Variants in ABCA13 observed in about 807,000 individuals in gnomAD.
The protein encoded by ABCA13 is ATP-binding cassette sub-family A member 13.
In ABCA13, 476 loss-of-function variants were observed where a neutral mutation model predicts 478.7. The observed-to-expected ratio is 0.99, with a 90% CI of 0.92 to 1.07. ABCA13 has a LOEUF of 1.07. Ranked by LOEUF, ABCA13 falls within the 50% of genes least tolerant of loss-of-function variation. The pLI is 0.00. For synonymous variants in ABCA13, 2,252 were observed against 2,158.9 expected (o/e 1.04, Z -1.20); for missense variants, 6,060 against 5,910.6 (o/e 1.03, Z -0.83).
In ABCA13 at chr7:48,372,394, C is replaced by A. The variant is rs370836671; in HGVS notation, c.11030C>A (p.Thr3677Lys). Reference protein sequence around the residue: ...LLSAFFSQANTAALCTSLVYM... With the variant: ...LLSAFFSQANKAALCTSLVYM... The stretch of plus-strand genomic sequence containing the variant: ...AGTGCATTTTTCAGCCAAGCTAATA[C>A]AGCGGCCCTTTGTACCAGCCTGGTG... The change falls in exon 33 of 62, where the codon ACA (threonine) becomes AAA (lysine). Residue 3677 changes from threonine to lysine, a missense_variant. By Grantham distance (78) the Thr-to-Lys change is moderately conservative (BLOSUM62 -1). This residue lies in a region of ABCA13 where 4,423 missense variants were observed against 4,309.1 expected (regional missense o/e 1.03). Coordinates refer to ENST00000435803, the MANE Select transcript of ABCA13 (RefSeq NM_152701.5). The A allele has an allele frequency of 1.2e-6, 2 of 1,613,894 alleles. No individual in the cohort carries two copies. Among genetic ancestry groups the A allele is most frequent in the African/African-American group, 2.7e-5 (2 of 74,978 alleles).
intron 15 of ABCA13, among the ~76,000 whole-genome samples, chr7:48,265,812 G>A (rs11977108): frequency 0.14 from 21,199 of 151,432 alleles, 1,540 homozygotes; most frequent in Middle Eastern, 0.19. Flanking sequence ...AGAAATGATG[G>A]AAGGTAACAT....
intron 55 of ABCA13, among the ~76,000 whole-genome samples, chr7:48,546,528 T>C (rs1239386746): frequency 6.6e-6 from 1 of 151,664 alleles, no homozygotes. Context: ...GTGTGTTAGA[T>C]TATCAGACAA....
At chr7:48,408,241 C>T (rs1439689576) in intron 39 of ABCA13, among the ~76,000 whole-genome samples, 2 of 152,232 alleles carry the variant, frequency 1.3e-5, no homozygotes, top group Non-Finnish European at 2.9e-5. Context: ...TCCTCCCTCC[C>T]TGCTCCCTGC....
chr7:48,564,959 A>C (rs1197650784), intron 55 of ABCA13, among the ~76,000 whole-genome samples: 1 of 152,116 alleles, frequency 6.6e-6, no homozygotes. Flanking sequence ...TTGGTAAAGG[A>C]GTTCTAAGAA....
chr7:48,389,347 A>G (rs1265105011), intron 37 of ABCA13, 127 bp downstream of exon 37: 1 of 1,097,942 alleles, frequency 9.1e-7, no homozygotes, highest in Non-Finnish European at 1.3e-6. Context: ...CAGAGTTTAG[A>G]GACACGGGTG....
chr7:48,475,157 G>A (rs1341308926), intron 45 of ABCA13, among the ~76,000 whole-genome samples: 1 of 152,172 alleles, frequency 6.6e-6, no homozygotes, highest in Non-Finnish European at 1.5e-5. Context: ...GTTTCGGGAT[G>A]CACTTTGAGA....
intron 1 of ABCA13, among the ~76,000 whole-genome samples, chr7:48,180,387 T>C (rs1389689508): frequency 1.3e-5 from 2 of 152,182 alleles, no homozygotes; most frequent in African/African-American, 4.8e-5. Context: ...CCTAACATAC[T>C]ACTCTTGATA....
In ABCA13 at chr7:48,276,296, T is replaced by C. The variant is rs749236873; in HGVS notation, c.6630T>C (p.Ile2210=). The C allele has an allele frequency of 6.4e-7, 1 of 1,559,164 alleles. No homozygotes were observed. The highest frequency in any genetic ancestry group is 8.7e-7 in the Non-Finnish European group (1 of 1,151,172). The change falls in exon 17 of 62, where the codon ATT becomes ATC. Residue 2210 remains isoleucine (I), a synonymous_variant. Coordinates refer to ENST00000435803, the MANE Select transcript of ABCA13 (RefSeq NM_152701.5). ...VVQLLFENIL[I]NLINNLAGNS... is the part of the protein sequence containing the mutation. The stretch of plus-strand genomic sequence containing the variant: ...AGCTGCTTTTTGAAAACATCCTAAT[T>C]AATTTGATCAATAACTTAGCTGGGA...
At chr7:48,515,082 C>A (rs148292878) in intron 51 of ABCA13, among the ~76,000 whole-genome samples, 1 of 152,190 alleles carries the variant, frequency 6.6e-6, no homozygotes, top group African/African-American at 2.4e-5. Flanking sequence ...ACTTGAGGGC[C>A]TGGCATCTCT....
At chr7:48,305,255 G>T (rs779598784) in intron 23 of ABCA13, among the ~76,000 whole-genome samples, 1 of 151,676 alleles carries the variant, frequency 6.6e-6, no homozygotes, top group Non-Finnish European at 1.5e-5. Flanking sequence ...GAAGTCAGAC[G>T]GTAAGAGCTG....
At chr7:48,464,164 T>C (rs554951592) in intron 43 of ABCA13, among the ~76,000 whole-genome samples, 1 of 152,208 alleles carries the variant, frequency 6.6e-6, no homozygotes, top group Non-Finnish European at 1.5e-5. Flanking sequence ...GTTTCTAACA[T>C]AGAGATTTAC....
At chr7:48,604,965 C>T (rs1051003613) in intron 58 of ABCA13, among the ~76,000 whole-genome samples, 1 of 152,126 alleles carries the variant, frequency 6.6e-6, no homozygotes, top group Admixed American at 6.6e-5. Context: ...TGCATTGATC[C>T]CTTTACCATT....
At chr7:48,624,509 A>T (rs1793474586) in intron 59 of ABCA13, among the ~76,000 whole-genome samples, 1 of 147,286 alleles carries the variant, frequency 6.8e-6, no homozygotes, top group Admixed American at 6.8e-5. Flanking sequence ...GTGAGGGAGG[A>T]TAAAGGCTGT....
In ABCA13 at chr7:48,338,413, C is replaced by G; in HGVS notation, c.10162C>G (p.His3388Asp). Residue 3388 changes from histidine to aspartate, a missense_variant, in exon 29 of 62, where the codon CAC (histidine) becomes GAC (aspartate). His to Asp is a moderately conservative substitution (Grantham distance 81). Around this residue, in one of 3 missense-constraint regions of ABCA13, gnomAD observed 4,423 missense variants for 4,309.1 expected, o/e 1.03. Transcript: ENST00000435803. ...FVRNFVENQLHIDVDKLTEKL... is the reference protein window; with the variant it reads ...FVRNFVENQLDIDVDKLTEKL... ...AAGAAACTTTGTAGAAAACCAGTTG[C>G]ACATTGATGTAGACAAACTTACTGA... 6.2e-7 allele frequency: 1 copy of G among 1,603,002 alleles called. No homozygotes were observed. The highest frequency in any genetic ancestry group is 8.5e-7 in the Non-Finnish European group (1 of 1,174,292).
At chr7:48,317,130 CT>C (rs747805839) in intron 26 of ABCA13, 26 bp from the exon 27 acceptor site, 54 of 1,582,876 alleles carry the variant, frequency 3.4e-5, no homozygotes, top group South Asian at 9.3e-5. Flanking sequence ...TCATTAGCAA[CT>C]TTTTTTTTCT....
At chr7:48,247,653 G>A (rs1176049430) in intron 13 of ABCA13, among the ~76,000 whole-genome samples, 4 of 152,146 alleles carry the variant, frequency 2.6e-5, no homozygotes, top group Non-Finnish European at 5.9e-5. Context: ...TGGTTAGCTA[G>A]GATACTGAGA....
chr7:48,275,990 G>T lies in ABCA13; in HGVS notation c.6324G>T (p.Leu2108=), dbSNP rs1163382349. The T allele has an allele frequency of 6.2e-7, 1 of 1,613,138 alleles. No homozygotes were observed. Among genetic ancestry groups the T allele is most frequent in the African/African-American group, 1.3e-5 (1 of 74,998 alleles). ...TLQFAHFLEI[L]DSPSLKTLEI... The stretch of plus-strand genomic sequence containing the variant: ...AGTTTGCCCATTTCCTGGAAATCCT[G>T]GATTCACCGTCATTGAAGACATTAG... The change falls in exon 17 of 62, where the codon CTG becomes CTT. Residue 2108 remains leucine, a synonymous_variant. Coordinates refer to ENST00000435803, the MANE Select transcript of ABCA13 (RefSeq NM_152701.5).
At chr7:48,534,365 T>C (rs1179816870) in intron 55 of ABCA13, among the ~76,000 whole-genome samples, 1 of 152,194 alleles carries the variant, frequency 6.6e-6, no homozygotes, top group East Asian at 1.9e-4. Context: ...TAGCTTTTCC[T>C]TTATAGGTTA....
intron 35 of ABCA13, among the ~76,000 whole-genome samples, chr7:48,379,822 G>T (rs951893788): frequency 2.6e-5 from 4 of 152,324 alleles, no homozygotes; most frequent in Non-Finnish European, 4.4e-5. Context: ...TTTTGTAAAT[G>T]ACCTGGGTCT....
Sources: allele counts gnomAD v4.1 joint callset (sites outside exome capture counted in the v4.1 genomes callset), GRCh38; gene constraint gnomAD v4.1.1; regional missense constraint gnomAD v4.1.1; transcripts MANE v1.5; gene names NCBI Gene and HGNC (gene_info 2026-07-23, HGNC 2026-07-21).